Variants in MOSMO observed in about 807,000 individuals in gnomAD.
MOSMO encodes modulator of smoothened protein.
In MOSMO, 5 loss-of-function variants were observed where a neutral mutation model predicts 18.4. The ratio of observed to expected loss-of-function variants is 0.27; its 90% confidence interval spans 0.14 to 0.57. The LOEUF (loss-of-function observed/expected upper bound fraction) is 0.57, where lower values mean the gene tolerates loss of function less well. Ranked by LOEUF, MOSMO falls within the 20% of genes least tolerant of loss-of-function variation. The pLI is 0.92. For missense variants in MOSMO, 138 were observed against 211.8 expected (o/e 0.65, Z 2.16); for synonymous variants, 82 against 82.3 (o/e 1.00, Z 0.02).
rs1406593071 is a variant in MOSMO at position 22,084,055 on chromosome 16, G to T, written c.*3175G>T. The T allele has an allele frequency of 4.8e-6, 1 of 207,476 alleles. No homozygotes were observed. The highest frequency in any genetic ancestry group is 9.7e-6 in the Non-Finnish European group (1 of 103,206). 12.9% of individuals were successfully genotyped at this position (207,476 alleles called of 1,614,324 possible). A position where few individuals can be genotyped will look rare whatever the true frequency, so the allele number is the denominator to read the frequency against. Reference sequence around the variant, plus strand: ...GCCTAAAGCTTTGATATCCCCACTTGATGTTCTGTGAATTCACTGTTTAAT... The same window carrying T: ...GCCTAAAGCTTTGATATCCCCACTTTATGTTCTGTGAATTCACTGTTTAAT... On this transcript the variant is annotated 3_prime_UTR_variant, in exon 3 of 3. Transcript: ENST00000542527.
chr16:22,070,197 A>C (rs992729029), intron 1 of MOSMO, among the ~76,000 whole-genome samples: 8 of 152,204 alleles, frequency 5.3e-5, no homozygotes, highest in African/African-American at 1.7e-4. Flanking sequence ...CTCAGCAAAG[A>C]ACAGTGAAGC....
At chr16:22,078,728 A>T (rs1394269666) in intron 2 of MOSMO, among the ~76,000 whole-genome samples, 1 of 152,228 alleles carries the variant, frequency 6.6e-6, no homozygotes, top group African/African-American at 2.4e-5. Flanking sequence ...TAGATTGTGT[A>T]TAGTTACCTA....
intron 2 of MOSMO, among the ~76,000 whole-genome samples, chr16:22,080,155 C>G (rs575065243): frequency 6.6e-6 from 1 of 152,320 alleles, no homozygotes; most frequent in East Asian, 1.9e-4. Context: ...CCAATTCCTT[C>G]TCACTAACAC....
In MOSMO at chr16:22,008,317, A is replaced by G. The variant is rs958626940; in HGVS notation, c.16A>G (p.Ile6Val). 7.8e-6 allele frequency: 12 copies of G among 1,530,480 alleles called. No homozygotes were observed. The Admixed American group carries it at 9.8e-5, about 13-fold the overall frequency. The allele number at this position is 1,530,480 out of a possible 1,614,324, so 94.8% of individuals were successfully genotyped here. A position where few individuals can be genotyped will look rare whatever the true frequency, so the allele number is the denominator to read the frequency against. MDKLT[I>V]ISGCLFLAAD... ...GGGCGGGGAGATGGATAAACTGACC[A>G]TCATCTCAGGATGTCTCTTTCTGGC... The change falls in exon 1 of 3, where the codon ATC becomes GTC. Residue 6 changes from isoleucine to valine, a missense_variant. By Grantham distance (29) the Ile-to-Val change is conservative. Transcript: ENST00000542527.
downstream of MOSMO, chr16:22,087,333 T>C (rs1033365535): frequency 1.3e-5 from 2 of 152,212 alleles, no homozygotes; most frequent in Non-Finnish European, 2.9e-5. Flanking sequence ...TTGTCCTCAC[T>C]TGGCCATTTT....
chr16:22,023,948 T>A (rs1017422592), intron 1 of MOSMO, among the ~76,000 whole-genome samples: 2 of 149,038 alleles, frequency 1.3e-5, no homozygotes, highest in Admixed American at 6.7e-5. Flanking sequence ...TCTGCTTTGT[T>A]GATGGTATTC....
chr16:22,064,636 A>T (rs1241008755), intron 1 of MOSMO, among the ~76,000 whole-genome samples: 1 of 152,244 alleles, frequency 6.6e-6, no homozygotes, highest in African/African-American at 2.4e-5. Flanking sequence ...TACATGATTG[A>T]AAGATTTCAT....
chr16:22,015,946 A>T (rs1899627662), intron 1 of MOSMO, among the ~76,000 whole-genome samples: 1 of 152,170 alleles, frequency 6.6e-6, no homozygotes, highest in South Asian at 2.1e-4. Context: ...CTGCTGATGC[A>T]TTTGTTAGAT....
In MOSMO at chr16:22,080,955, C is replaced by A; in HGVS notation, c.*75C>A. On this transcript the variant is annotated 3_prime_UTR_variant, in exon 3 of 3. Coordinates refer to ENST00000542527, the MANE Select transcript of MOSMO (RefSeq NM_001164579.2). ...TTTTATTTTTGGAGGGTGGAGAGGA[C>A]AAAGGCGAGGCATCTGAGCAGGCCT... The A allele has an allele frequency of 1.5e-6, 1 of 687,294 alleles. No homozygotes were observed. Among genetic ancestry groups the A allele is most frequent in the Non-Finnish European group, 2.1e-6 (1 of 484,866 alleles). The allele number at this position is 687,294 out of a possible 1,614,324, so 42.6% of individuals were successfully genotyped here. A position where few individuals can be genotyped will look rare whatever the true frequency, so the allele number is the denominator to read the frequency against.
At chr16:22,041,784 C>T (rs867646089) in intron 1 of MOSMO, among the ~76,000 whole-genome samples, 6 of 151,944 alleles carry the variant, frequency 3.9e-5, no homozygotes, top group Non-Finnish European at 8.8e-5. Context: ...AAGCATTCCT[C>T]CCACCTCATA....
intron 1 of MOSMO, among the ~76,000 whole-genome samples, chr16:22,032,144 G>T (rs1487205135): frequency 1.4e-5 from 2 of 147,754 alleles, no homozygotes; most frequent in African/African-American, 5.0e-5. Context: ...GGCCATTTCT[G>T]TATCTTCTTT....
chr16:22,069,974 G>A (rs1900816831), intron 1 of MOSMO, among the ~76,000 whole-genome samples: 1 of 152,182 alleles, frequency 6.6e-6, no homozygotes, highest in South Asian at 2.1e-4. Flanking sequence ...TCCCAAAGAA[G>A]GGGAGGATGG....
At chr16:22,019,668 A>G (rs1412274933) in intron 1 of MOSMO, among the ~76,000 whole-genome samples, 1 of 152,156 alleles carries the variant, frequency 6.6e-6, no homozygotes, top group Non-Finnish European at 1.5e-5. Context: ...TAACACTAAG[A>G]TTTTGAACCT....
At chr16:22,028,552 G>C (rs1899926207) in intron 1 of MOSMO, among the ~76,000 whole-genome samples, 1 of 152,006 alleles carries the variant, frequency 6.6e-6, no homozygotes, top group Non-Finnish European at 1.5e-5. Context: ...AACTTAAAAA[G>C]AGAGGATCTT....
chr16:22,065,953 T>C (rs1180260502), intron 1 of MOSMO, among the ~76,000 whole-genome samples: 1 of 152,232 alleles, frequency 6.6e-6, no homozygotes, highest in Non-Finnish European at 1.5e-5. Flanking sequence ...AAATTAAAGC[T>C]TGCAACAATT....
downstream of MOSMO, among the ~76,000 whole-genome samples, chr16:22,091,846 T>C (rs1315618455): frequency 6.6e-6 from 1 of 152,240 alleles, no homozygotes; most frequent in Non-Finnish European, 1.5e-5. Context: ...TTTGTCTCTC[T>C]TGACCACTAT....
intron 1 of MOSMO, among the ~76,000 whole-genome samples, chr16:22,014,371 C>T (rs1202306515): frequency 2.0e-5 from 3 of 152,146 alleles, no homozygotes; most frequent in Non-Finnish European, 4.4e-5. Context: ...CACTATATGT[C>T]TAGCATTTTG....
intron 1 of MOSMO, among the ~76,000 whole-genome samples, chr16:22,020,518 C>T (rs1275838555): frequency 6.6e-6 from 1 of 152,014 alleles, no homozygotes; most frequent in Non-Finnish European, 1.5e-5. Context: ...TGGTCTTGAA[C>T]TCCCGACCTC....
At chr16:22,025,176 G>A (rs1899851867) in intron 1 of MOSMO, among the ~76,000 whole-genome samples, 1 of 151,586 alleles carries the variant, frequency 6.6e-6, no homozygotes, top group African/African-American at 2.4e-5. Context: ...AATTCTATCT[G>A]TTCAGCTTAC....
Sources: allele counts gnomAD v4.1 joint callset (sites outside exome capture counted in the v4.1 genomes callset), GRCh38; gene constraint gnomAD v4.1.1; transcripts MANE v1.5; gene names NCBI Gene and HGNC (gene_info 2026-07-23, HGNC 2026-07-21).